CD36: variants seen among roughly 807,000 people sequenced by gnomAD.
CD36 encodes the protein platelet glycoprotein 4.
In CD36, 119 loss-of-function variants were observed where a neutral mutation model predicts 55.2. The observed-to-expected ratio is 2.15, with a 90% CI of 1.86 to 2.51. The LOEUF (loss-of-function observed/expected upper bound fraction) is 2.51. CD36 is among the 30% of genes most tolerant of loss of function. CD36 has a pLI of 0.00. For synonymous variants in CD36, 186 were observed against 193.6 expected (o/e 0.96, Z 0.33); for missense variants, 819 against 555.5 (o/e 1.47, Z -4.77).
intron 8 of CD36, among the ~76,000 whole-genome samples, chr7:80,668,253 A>G (rs1797311014): frequency 6.6e-6 from 1 of 152,176 alleles, no homozygotes; most frequent in Non-Finnish European, 1.5e-5. Context: ...TAAAAAGAAG[A>G]TTCATTGACA....
intron 9 of CD36, 156 bp downstream of exon 9, chr7:80,670,178 AAT>A: frequency 6.4e-6 from 4 of 628,850 alleles, no homozygotes; most frequent in Non-Finnish European, 8.4e-6. Flanking sequence ...TAATAGTACA[AAT>A]TTTTTTTTTT....
In CD36 at chr7:80,679,186, AAAAGGAAT is replaced by A. The variant is rs1457189322; in HGVS notation, c.*2805_*2812del. ...TGTTTAATATTTGTATCAAATACAT[AAAAGGAAT>A]ACTGCTTTTTCCTTTTGTGGCTCAA... On this transcript the variant is annotated 3_prime_UTR_variant, in exon 15 of 15. Coordinates refer to ENST00000447544, the MANE Select transcript of CD36 (RefSeq NM_001001548.3). 1 of 152,194 alleles carries A rather than the reference AAAAGGAAT, an allele frequency of 6.6e-6. No individual in the cohort carries two copies. Among genetic ancestry groups the A allele is most frequent in the Non-Finnish European group, 1.5e-5 (1 of 68,032 alleles). 9.4% of individuals were successfully genotyped at this position (152,194 alleles called of 1,614,324 possible).
intron 1 of CD36, among the ~76,000 whole-genome samples, chr7:80,616,476 C>A (rs62461690): frequency 0.29 from 42,987 of 149,976 alleles, 7,151 homozygotes; most frequent in South Asian, 0.45. Flanking sequence ...CACACACACG[C>A]AATTTGAGCA....
chr7:80,671,028 G>T lies in CD36; in HGVS notation c.870G>T (p.Val290=). ...ACGTTAATCTGAAAGGAATCCCTGT[G>T]TATAGATTTGTTCTTCCATCCAAGG... ...ESDVNLKGIP[V]YRFVLPSKAF... is the part of the protein sequence containing the mutation. Residue 290 remains valine (V), a synonymous_variant, in exon 10 of 15, where the codon GTG becomes GTT. Transcript: ENST00000447544. The T allele has an allele frequency of 6.2e-7, 1 of 1,613,250 alleles. No individual in the cohort carries two copies. Among genetic ancestry groups the T allele is most frequent in the Non-Finnish European group, 8.5e-7 (1 of 1,179,338 alleles).
rs3211901 is a variant in CD36, at chr7:80,662,988, A to G, written c.430-2A>G. ...TCTTAAACAGTGACTTTGTTTTTGT[A>G]GGCTGCATCCCATATCTATCAAAAT... On this transcript the variant is annotated splice_acceptor_variant, in intron 5 of 14. Transcript: ENST00000447544. LOFTEE classifies it high-confidence loss of function. The G allele has an allele frequency of 2.4e-4, 384 of 1,608,466 alleles. No homozygotes were observed. Among genetic ancestry groups the G allele is most frequent in the Non-Finnish European group, 3.1e-4 (369 of 1,175,388 alleles).
chr7:80,602,441 T>TGCACTCG (rs1792291441), intron 1 of CD36: 1 of 152,170 alleles, frequency 6.6e-6, no homozygotes, highest in Admixed American at 6.5e-5. Flanking sequence ...TGATGCACTC[T>TGCACTCG]CATCTAGTAA....
Position 80,661,142 on chromosome 7 carries a change from A to T in CD36, c.361A>T (p.Ile121Phe). 1 of 1,614,040 alleles carries T rather than the reference A, an allele frequency of 6.2e-7. No individual in the cohort carries two copies. Among genetic ancestry groups the T allele is most frequent in the Non-Finnish European group, 8.5e-7 (1 of 1,179,902 alleles). ...CTCTTTCCTGCAGCCCAATGGTGCC[A>T]TCTTCGAACCTTCACTATCAGTTGG... Reference protein sequence around the residue: ...TVSFLQPNGAIFEPSLSVGTE... With the variant: ...TVSFLQPNGAFFEPSLSVGTE... Residue 121 changes from isoleucine to phenylalanine, a missense_variant, in exon 5 of 15, where the codon ATC (isoleucine) becomes TTC (phenylalanine). Transcript: ENST00000447544.
At chr7:80,655,123 T>C (rs1168276508) in intron 3 of CD36, among the ~76,000 whole-genome samples, 1 of 152,174 alleles carries the variant, frequency 6.6e-6, no homozygotes, top group East Asian at 1.9e-4. Context: ...GTCAGAATGT[T>C]CCTGTGGTCA....
At chr7:80,622,981 CTT>C (rs1419389382) in intron 1 of CD36, among the ~76,000 whole-genome samples, 3 of 146,538 alleles carry the variant, frequency 2.0e-5, no homozygotes, top group Non-Finnish European at 4.5e-5. Flanking sequence ...CTGAACTAAA[CTT>C]TAGACAACAG....
At chr7:80,611,333 C>T (rs773511906) in intron 1 of CD36, among the ~76,000 whole-genome samples, 1 of 152,074 alleles carries the variant, frequency 6.6e-6, no homozygotes, top group African/African-American at 2.4e-5. Flanking sequence ...ATCGTCGTCC[C>T]GTGTCATTTT....
At chr7:80,634,759 A>G (rs906958299), upstream of CD36, among the ~76,000 whole-genome samples, 2 of 152,094 alleles carry the variant, frequency 1.3e-5, no homozygotes, top group African/African-American at 4.8e-5. Context: ...AAGTACTGTT[A>G]AAAGGATTTT....
chr7:80,603,570 G>T (rs1792360890), intron 1 of CD36, among the ~76,000 whole-genome samples: 1 of 152,050 alleles, frequency 6.6e-6, no homozygotes, highest in African/African-American at 2.4e-5. Context: ...CTGTAATCCT[G>T]ACAAGAGGAA....
intron 1 of CD36, among the ~76,000 whole-genome samples, chr7:80,612,812 CAT>C (rs1321453904): frequency 1.3e-5 from 2 of 152,104 alleles, no homozygotes. Context: ...AGCTATTTAA[CAT>C]GTGTGTTATA....
At chr7:80,674,872 T>G (rs1299282694) in intron 14 of CD36, among the ~76,000 whole-genome samples, 2 of 152,142 alleles carry the variant, frequency 1.3e-5, no homozygotes, top group African/African-American at 4.8e-5. Flanking sequence ...TTTAGTTGTT[T>G]ACTGTGTGCC....
chr7:80,635,978 C>A (rs1279662846), upstream of CD36, among the ~76,000 whole-genome samples: 1 of 152,040 alleles, frequency 6.6e-6, no homozygotes, highest in East Asian at 1.9e-4. Flanking sequence ...GACAAGCATC[C>A]CCCTCCTCAA....
chr7:80,672,957 ATCTTT>A (rs1797860189), intron 12 of CD36, 114 bp downstream of exon 12: 2 of 739,320 alleles, frequency 2.7e-6, no homozygotes, highest in African/African-American at 3.5e-5. Context: ...ATATCAACTT[ATCTTT>A]AGCTTAATGT....
chr7:80,668,146 T>C (rs911308439), intron 8 of CD36, among the ~76,000 whole-genome samples: 2 of 152,166 alleles, frequency 1.3e-5, no homozygotes, highest in African/African-American at 4.8e-5. Context: ...ATACTACCAA[T>C]GCTAGTAGTT....
intron 1 of CD36, among the ~76,000 whole-genome samples, chr7:80,615,739 A>G (rs530697069): frequency 6.6e-6 from 1 of 152,058 alleles, no homozygotes; most frequent in Non-Finnish European, 1.5e-5. Flanking sequence ...TTATTTCTTT[A>G]CTCTTCAGAA....
intron 1 of CD36, among the ~76,000 whole-genome samples, chr7:80,643,919 T>G (rs911516413): frequency 6.6e-6 from 1 of 152,136 alleles, no homozygotes; most frequent in African/African-American, 2.4e-5. Context: ...CAGAAAATAT[T>G]TGGGGATGGT....
Sources: gnomAD v4.1 joint callset for allele counts (sites outside exome capture counted in the v4.1 genomes callset) on GRCh38, gnomAD v4.1.1 for gene constraint, MANE v1.5 for transcripts, NCBI Gene and HGNC (gene_info 2026-07-23, HGNC 2026-07-21) for gene names.